The following INPPL1 variants were observed in gnomAD, a reference collection of about 807,000 sequenced individuals.
The protein encoded by INPPL1 is inositol polyphosphate phosphatase like 1.
INPPL1 carries 91 observed loss-of-function variants against 139.3 expected under a neutral mutation model. The ratio of observed to expected loss-of-function variants is 0.65; its 90% CI spans 0.55 to 0.78. INPPL1 has a LOEUF of 0.78. INPPL1 is among the 30% of genes least tolerant of loss of function. The pLI is 0.00. For synonymous variants in INPPL1, 719 were observed against 686.6 expected (o/e 1.05, Z -0.74); for missense variants, 1,411 against 1,665.6 (o/e 0.85, Z 2.66).
rs770890568 is a variant in INPPL1, at chr11:72,229,507, G to A, written c.702G>A (p.Lys234=). The A allele has an allele frequency of 6.2e-7, 1 of 1,614,118 alleles. No individual in the cohort carries two copies. The highest frequency in any genetic ancestry group is 8.5e-7 in the Non-Finnish European group (1 of 1,180,014). ...TGTCAGGCCTGGAGATCCTGTCCAAGGTGTTTGACCAGCAGAGCTCGCCCA... is the reference window on the plus strand; with the variant it reads ...TGTCAGGCCTGGAGATCCTGTCCAAAGTGTTTGACCAGCAGAGCTCGCCCA... The part of the protein sequence containing the change: ...KVLSGLEILS[K]VFDQQSSPMV... Residue 234 remains lysine (K), a synonymous_variant, in exon 6 of 28, where the codon AAG becomes AAA. Coordinates refer to ENST00000298229, the MANE Select transcript of INPPL1 (RefSeq NM_001567.4).
rs1357329630 is a variant in INPPL1 at position 72,233,761 on chromosome 11, T to C, written c.2212+17T>C. The C allele has an allele frequency of 1.2e-6, 2 of 1,606,556 alleles. No homozygotes were observed. The highest frequency in any genetic ancestry group is 1.7e-6 in the Non-Finnish European group (2 of 1,173,080). On this transcript the variant is annotated intron_variant, in intron 19 of 27. Transcript: ENST00000298229. Reference sequence around the variant, plus strand: ...CCAAGAAAGGTGACTGTTCCAGATATGCTTGTGGGTGTGGCATAATCTAGG... The same window carrying C: ...CCAAGAAAGGTGACTGTTCCAGATACGCTTGTGGGTGTGGCATAATCTAGG...
Position 72,229,456 on chromosome 11 carries a change from C to T in INPPL1, c.660-9C>T, listed in dbSNP as rs910375345. ...GGTGGGAGTTCTTTTGATCTGATGTCTTCCCTAGTGAGGTGGACAAGGTCC... is the reference window on the plus strand; with the variant it reads ...GGTGGGAGTTCTTTTGATCTGATGTTTTCCCTAGTGAGGTGGACAAGGTCC... On this transcript the variant is annotated splice_polypyrimidine_tract_variant and intron_variant, in intron 5 of 27. Coordinates refer to ENST00000298229, the MANE Select transcript of INPPL1 (RefSeq NM_001567.4). The T allele has an allele frequency of 3.7e-6, 6 of 1,613,372 alleles. No homozygotes were observed. Among genetic ancestry groups the T allele is most frequent in the Middle Eastern group, 1.6e-4 (1 of 6,084 alleles).
At chr11:72,231,270 T>G in intron 12 of INPPL1, 81 bp downstream of exon 12, 1 of 1,348,430 alleles carries the variant, frequency 7.4e-7, no homozygotes, top group Non-Finnish European at 1.0e-6. Flanking sequence ...TGGGCAACCC[T>G]GGGAGCACAG....
chr11:72,234,173 C>A lies in INPPL1; in HGVS notation c.2213-108C>A, dbSNP rs1948915935. ...CTGGGGAGGCCCCTCCTGGCCCTGC[C>A]TCCTTGCTCTGGACCCCTGATTTCC... On this transcript the variant is annotated intron_variant, in intron 19 of 27. Transcript: ENST00000298229. This position sits in a 1 kb window ranked among gnomAD's most constrained non-coding sequence, Gnocchi z 4.2. 3.6e-6 allele frequency: 3 copies of A among 836,250 alleles called. No homozygotes were observed. 51.8% of individuals were successfully genotyped at this position (836,250 alleles called of 1,614,324 possible). A position where few individuals can be genotyped will look rare whatever the true frequency, so the allele number is the denominator to read the frequency against.
In INPPL1 at chr11:72,230,789, C is replaced by A. The variant is rs201863115; in HGVS notation, c.1198-7C>A. 90 of 1,612,328 alleles carry A rather than the reference C, an allele frequency of 5.6e-5. 2 individuals are homozygous for A. In the South Asian group the frequency reaches 8.2e-4, roughly 15 times the overall value. On this transcript the variant is annotated splice_polypyrimidine_tract_variant and splice_region_variant and intron_variant, in intron 10 of 27. Transcript: ENST00000298229. Reference sequence around the variant, plus strand: ...TACCCGCCCCTGAGTGGCTGCTGTTCCCCCAGAAGCGGGAGGCCTTCTGCC... The same window carrying A: ...TACCCGCCCCTGAGTGGCTGCTGTTACCCCAGAAGCGGGAGGCCTTCTGCC...
At chr11:72,229,251 C>G in intron 5 of INPPL1, 21 bp downstream of exon 5, 1 of 1,592,370 alleles carries the variant, frequency 6.3e-7, no homozygotes, top group Non-Finnish European at 8.6e-7. Flanking sequence ...CATCCAGCCC[C>G]ATGTATTACA....
At position 72,237,788 on chromosome 11, in the gene INPPL1, G is replaced by C. The variant is rs199583150; in HGVS notation, c.3544G>C (p.Ala1182Pro). 2 of 1,604,074 alleles carry C rather than the reference G, an allele frequency of 1.2e-6. No homozygotes were observed. The highest frequency in any genetic ancestry group is 4.5e-5 in the East Asian group (2 of 44,324). Residue 1182 changes from alanine to proline, a missense_variant, in exon 26 of 28, where the codon GCA (alanine) becomes CCA (proline). By Grantham distance (27) the Ala-to-Pro change is conservative. Transcript: ENST00000298229. ...CCGGGAGAGCATCCAGGAAGACCTG[G>C]CAGAGGAGGTGTGTGGAGCAGGGTG... is the stretch of plus-strand genomic sequence containing the variant. ...RIRESIQEDL[A>P]EEAPCLQGGR... is the part of the protein sequence containing the mutation.
At chr11:72,231,468 G>A (rs1169895890) in intron 12 of INPPL1, 30 bp from the exon 13 acceptor site, 5 of 1,505,310 alleles carry the variant, frequency 3.3e-6, no homozygotes, top group Non-Finnish European at 4.6e-6. Context: ...GGTGCAGCAG[G>A]GCAGTGGTGA....
chr11:72,233,275 T>A, intron 17 of INPPL1, 112 bp downstream of exon 17: 3 of 1,089,358 alleles, frequency 2.8e-6, no homozygotes, highest in Middle Eastern at 5.9e-4. Flanking sequence ...CCATGGCCCC[T>A]CTGAGGCCTT....
Position 72,228,012 on chromosome 11 carries a change from A to G in INPPL1, c.183-178A>G, listed in dbSNP as rs1025965653. On this transcript the variant is annotated intron_variant, in intron 1 of 27. Transcript: ENST00000298229. The surrounding 1 kb of genome is among the most constrained non-coding windows in gnomAD (Gnocchi z 5.0). ...TGGTCATTCCTGCCCAATAGGCAAC[A>G]CCAGGAGGGTGGAAGTGGACCGGCC... 3 of 646,244 alleles carry G rather than the reference A, an allele frequency of 4.6e-6. No homozygotes were observed. In the South Asian group the frequency reaches 5.2e-5, roughly 11 times the overall value. The allele number at this position is 646,244 out of a possible 1,614,324, so 40.0% of individuals were successfully genotyped here. A position where few individuals can be genotyped will look rare whatever the true frequency, so the allele number is the denominator to read the frequency against.
chr11:72,228,135 T>C lies in INPPL1; in HGVS notation c.183-55T>C. 6.3e-7 allele frequency: 1 copy of C among 1,595,892 alleles called. No homozygotes were observed. Among genetic ancestry groups the C allele is most frequent in the Non-Finnish European group, 8.6e-7 (1 of 1,163,680 alleles). On this transcript the variant is annotated intron_variant, in intron 1 of 27. Transcript: ENST00000298229. This position sits in a 1 kb window ranked among gnomAD's most constrained non-coding sequence, Gnocchi z 5.0. Reference sequence around the variant, plus strand: ...TTGCTGGCAGGAGGAAGGGGTGCTTTGGGTCTTAGACCCCAGCCTGGGGGT... The same window carrying C: ...TTGCTGGCAGGAGGAAGGGGTGCTTCGGGTCTTAGACCCCAGCCTGGGGGT...
At chr11:72,236,070 C>A in intron 25 of INPPL1, 84 bp downstream of exon 25, 1 of 784,564 alleles carries the variant, frequency 1.3e-6, no homozygotes, top group Non-Finnish European at 2.0e-6. Flanking sequence ...CAGGGTTGGC[C>A]TGGAGATCAT....
Position 72,234,155 on chromosome 11 carries a change from G to C in INPPL1, c.2213-126G>C. 1 of 700,840 alleles carries C rather than the reference G, an allele frequency of 1.4e-6. No individual in the cohort carries two copies. Among genetic ancestry groups the C allele is most frequent in the Non-Finnish European group, 2.5e-6 (1 of 398,636 alleles). 43.4% of individuals were successfully genotyped at this position (700,840 alleles called of 1,614,324 possible). A position where few individuals can be genotyped will look rare whatever the true frequency, so the allele number is the denominator to read the frequency against. ...CCTGTTGGTGGCTTGGGACTGGGGA[G>C]GCCCCTCCTGGCCCTGCCTCCTTGC... On this transcript the variant is annotated intron_variant, in intron 19 of 27. Coordinates refer to ENST00000298229, the MANE Select transcript of INPPL1 (RefSeq NM_001567.4). This position sits in a 1 kb window ranked among gnomAD's most constrained non-coding sequence, Gnocchi z 4.2.
chr11:72,235,348 C>G lies in INPPL1; in HGVS notation c.2556C>G (p.Phe852Leu). The G allele has an allele frequency of 6.2e-7, 1 of 1,614,068 alleles. No individual in the cohort carries two copies. The highest frequency in any genetic ancestry group is 8.5e-7 in the Non-Finnish European group (1 of 1,180,000). The stretch of plus-strand genomic sequence containing the variant: ...TGATCGGCAGCACGGCCCAACAGTT[C>G]CTGACCTTCCTATCCCACCGTGGCG... ...KSMIGSTAQQ[F>L]LTFLSHRGEE... The change falls in exon 23 of 28, where the codon TTC (phenylalanine) becomes TTG (leucine). Residue 852 changes from phenylalanine to leucine, a missense_variant. Coordinates refer to ENST00000298229, the MANE Select transcript of INPPL1 (RefSeq NM_001567.4). This position sits in a 1 kb window ranked among gnomAD's most constrained non-coding sequence, Gnocchi z 4.9.
rs1416257794 is a variant in INPPL1 at position 72,237,601 on chromosome 11, G to C, written c.3357G>C (p.Arg1119=). 14 of 1,603,258 alleles carry C rather than the reference G, an allele frequency of 8.7e-6. No homozygotes were observed. Among genetic ancestry groups the C allele is most frequent in the Non-Finnish European group, 1.2e-5 (14 of 1,173,204 alleles). ...FLGEVASGDD[R]SCSVLQMAKT... Reference sequence around the variant, plus strand: ...GGGAAGTGGCCAGTGGGGATGACCGGTCCTGCTCGGTGCTGCAGATGGCCA... The same window carrying C: ...GGGAAGTGGCCAGTGGGGATGACCGCTCCTGCTCGGTGCTGCAGATGGCCA... The change falls in exon 26 of 28, where the codon CGG becomes CGC. Residue 1119 remains arginine (R), a synonymous_variant. Coordinates refer to ENST00000298229, the MANE Select transcript of INPPL1 (RefSeq NM_001567.4).
rs566546562 is a variant in INPPL1 at position 72,237,351 on chromosome 11, A to G, written c.3107A>G (p.Glu1036Gly). The G allele has an allele frequency of 2.5e-6, 4 of 1,613,718 alleles. No homozygotes were observed. The African/African-American group carries it at 5.3e-5, about 22-fold the overall frequency. Residue 1036 changes from glutamate (E) to glycine (G), a missense_variant, in exon 26 of 28, where the codon GAG becomes GGG. Glu to Gly is a moderately conservative substitution (Grantham distance 98, BLOSUM62 -2). Coordinates refer to ENST00000298229, the MANE Select transcript of INPPL1 (RefSeq NM_001567.4). ...CACCACCGGCACCCTCGTGTGGGAG[A>G]GGGGAGTTCTTCAGATGAGGAGTCT... ...LGHHRHPRVG[E>G]GSSSDEESGG... is the part of the protein sequence containing the mutation.
chr11:72,230,947 C>G, intron 11 of INPPL1, 46 bp from the exon 12 acceptor site: 1 of 1,611,424 alleles, frequency 6.2e-7, no homozygotes, highest in Admixed American at 1.7e-5. Flanking sequence ...GGCCCCAGAG[C>G]AGGTGCCTAA....
rs755761618 is a variant in INPPL1, at chr11:72,238,247, CT to C, written c.3687-15del. On this transcript the variant is annotated splice_polypyrimidine_tract_variant and intron_variant, in intron 27 of 27. Transcript: ENST00000298229. ...CCCCTTGCCCATCTCACTTCCCAGCCTGTTTTACTCCACAGTGACATCACCG... is the reference window on the plus strand; with the variant it reads ...CCCCTTGCCCATCTCACTTCCCAGCCGTTTTACTCCACAGTGACATCACCG... 1 of 1,613,694 alleles carries C rather than the reference CT, an allele frequency of 6.2e-7. No homozygotes were observed. Among genetic ancestry groups the C allele is most frequent in the African/African-American group, 1.3e-5 (1 of 75,044 alleles).
rs770812699 is a variant in INPPL1, at chr11:72,238,030, C to T, written c.3553-12C>T. On this transcript the variant is annotated splice_polypyrimidine_tract_variant and intron_variant, in intron 26 of 27. Transcript: ENST00000298229. ...GGCACTCAGCTCCCCCTGACATGCCCTGTTTCCTTAGGCTCCGTGCCTGCA... is the reference window on the plus strand; with the variant it reads ...GGCACTCAGCTCCCCCTGACATGCCTTGTTTCCTTAGGCTCCGTGCCTGCA... 1.6e-5 allele frequency: 24 copies of T among 1,530,994 alleles called. No homozygotes were observed. In the African/African-American group the frequency reaches 2.5e-4, roughly 16 times the overall value. 94.8% of individuals were successfully genotyped at this position (1,530,994 alleles called of 1,614,324 possible).
Sources: gnomAD v4.1 joint callset for allele counts on GRCh38, gnomAD v4.1.1 for gene constraint, Gnocchi (gnomAD v3.1) non-coding constraint, MANE v1.5 for transcripts, NCBI Gene and HGNC (gene_info 2026-07-23, HGNC 2026-07-21) for gene names.